The following CNGB3 variants were observed in gnomAD, a reference collection of about 807,000 sequenced individuals.
The protein encoded by CNGB3 is cyclic nucleotide-gated channel beta-3.
In CNGB3, 86 loss-of-function variants were observed where a neutral mutation model predicts 92.8. The observed-to-expected ratio is 0.93, with a 90% CI of 0.78 to 1.11. The LOEUF (loss-of-function observed/expected upper bound fraction) is 1.11, where lower values mean the gene tolerates loss of function less well. Among genes scored for constraint, CNGB3 ranks in the 50% least tolerant of loss-of-function variants. CNGB3 has a pLI of 0.00. For missense variants in CNGB3, 1,026 were observed against 956.8 expected (o/e 1.07, Z -0.95); for synonymous variants, 333 against 332.7 (o/e 1.00, Z -0.01).
At chr8:86,732,965 T>A (rs1320549050) in intron 2 of CNGB3, among the ~76,000 whole-genome samples, 2 of 152,218 alleles carry the variant, frequency 1.3e-5, no homozygotes, top group Non-Finnish European at 2.9e-5. Context: ...TGCTGAGGTT[T>A]GGGATGTGAA....
intron 17 of CNGB3, among the ~76,000 whole-genome samples, chr8:86,578,102 G>C (rs963684894): frequency 1.1e-4 from 16 of 152,076 alleles, no homozygotes; most frequent in East Asian, 1.9e-4. Context: ...GTAGAGACAG[G>C]GTTTCACCGT....
chr8:86,673,193 G>T (rs1586008111), intron 3 of CNGB3, among the ~76,000 whole-genome samples: 1 of 152,138 alleles, frequency 6.6e-6, no homozygotes, highest in Non-Finnish European at 1.5e-5. Context: ...CATAGCTAAT[G>T]GTAAATAATA....
intron 6 of CNGB3, among the ~76,000 whole-genome samples, chr8:86,655,225 G>A (rs943975303): frequency 3.9e-5 from 6 of 152,204 alleles, no homozygotes; most frequent in Non-Finnish European, 7.4e-5. Flanking sequence ...TCTGCCTTTA[G>A]TCTTGTTCCC....
intron 3 of CNGB3, among the ~76,000 whole-genome samples, chr8:86,725,674 A>G (rs1405688098): frequency 6.6e-6 from 1 of 152,164 alleles, no homozygotes; most frequent in East Asian, 1.9e-4. Flanking sequence ...GGTCCTAGAT[A>G]ATCACGATGA....
Position 86,599,639 on chromosome 8 carries a change from C to T in CNGB3, c.1781+4454G>A, listed in dbSNP as rs565905448. ...CCACCTTGGGGGCGGCTGTCTTTTA[C>T]GGTCGCAGCTGTAGGGTTGAAATAA... On this transcript the variant is annotated intron_variant, in intron 15 of 17. Coordinates refer to ENST00000320005, the MANE Select transcript of CNGB3 (RefSeq NM_019098.5). Among the ~76,000 whole-genome samples the T allele has an allele frequency of 4.6e-5, 7 of 152,212 alleles. No homozygotes were observed. In the South Asian group the frequency reaches 8.3e-4, roughly 18 times the overall value.
chr8:86,694,477 G>T (rs1337759910), intron 3 of CNGB3, among the ~76,000 whole-genome samples: 5 of 151,766 alleles, frequency 3.3e-5, no homozygotes, highest in African/African-American at 7.3e-5. Flanking sequence ...GTGGCTGCCG[G>T]ACGGAGGGTC....
At chr8:86,660,856 C>T in intron 6 of CNGB3, 1 of 413,186 alleles carries the variant, frequency 2.4e-6, no homozygotes, top group Non-Finnish European at 5.0e-6. Flanking sequence ...TTAAGGTCCT[C>T]TTCATAAGGC....
At chr8:86,596,292 T>C (rs1482072083) in intron 15 of CNGB3, among the ~76,000 whole-genome samples, 3 of 152,218 alleles carry the variant, frequency 2.0e-5, no homozygotes, top group Non-Finnish European at 4.4e-5. Context: ...GTAATGCAAA[T>C]TGGTTCAATT....
At position 86,575,918 on chromosome 8, in the gene CNGB3, C is replaced by A. The variant is rs762547089; in HGVS notation, c.2316G>T (p.Arg772Ser). The A allele has an allele frequency of 6.2e-7, 1 of 1,613,774 alleles. No homozygotes were observed. The highest frequency in any genetic ancestry group is 1.3e-5 in the African/African-American group (1 of 74,906). ...GAGAAGTCCCTCTGGGTAAAACTGTCCTTCTAACTGAGTGGGGTTCTTCCT... is the reference window on the plus strand; with the variant it reads ...GAGAAGTCCCTCTGGGTAAAACTGTACTTCTAACTGAGTGGGGTTCTTCCT... ...AVEEEPHSVR[R>S]TVLPRGTSRQ... The change falls in exon 18 of 18, where the codon AGG (arginine) becomes AGT (serine). Residue 772 changes from arginine (R) to serine (S), a missense_variant. Physicochemically the swap from Arg to Ser is moderately radical, Grantham distance 110. Coordinates refer to ENST00000320005, the MANE Select transcript of CNGB3 (RefSeq NM_019098.5).
Position 86,578,828 on chromosome 8 carries a change from G to A in CNGB3, c.1964C>T (p.Ala655Val), listed in dbSNP as rs774779115. The A allele has an allele frequency of 4.3e-6, 7 of 1,614,186 alleles. No homozygotes were observed. In the Admixed American group the frequency reaches 6.7e-5, roughly 15 times the overall value. ...GGCAAGATCTTTTCTTGGAGGGGTT[G>A]CTTCTGCGGTCTTAGCCTTCTGCTT... ...LLKQKAKTAE[A>V]TPPRKDLALL... Residue 655 changes from alanine to valine, a missense_variant, in exon 17 of 18, where the codon GCA becomes GTA. By Grantham distance (64) the Ala-to-Val change is moderately conservative. Transcript: ENST00000320005.
At chr8:86,703,713 G>C (rs959285943) in intron 3 of CNGB3, among the ~76,000 whole-genome samples, 5 of 152,140 alleles carry the variant, frequency 3.3e-5, no homozygotes, top group African/African-American at 1.2e-4. Context: ...GGAGACTATT[G>C]CATGTTGCCA....
intron 6 of CNGB3, among the ~76,000 whole-genome samples, chr8:86,655,281 C>T (rs766691392): frequency 2.0e-5 from 3 of 152,180 alleles, no homozygotes; most frequent in Non-Finnish European, 4.4e-5. Context: ...TAAATCAGAT[C>T]ACTTAAAATC....
intron 8 of CNGB3, among the ~76,000 whole-genome samples, chr8:86,645,503 G>C (rs1231005986): frequency 6.6e-6 from 1 of 151,148 alleles, no homozygotes; most frequent in Non-Finnish European, 1.5e-5. Context: ...CCCCCCAAAA[G>C]GGTTGTGTGC....
At chr8:86,679,624 C>T (rs1017861259) in intron 3 of CNGB3, among the ~76,000 whole-genome samples, 2 of 152,050 alleles carry the variant, frequency 1.3e-5, no homozygotes, top group Non-Finnish European at 2.9e-5. Flanking sequence ...CTCCTGGATT[C>T]GAGCAATTCT....
At chr8:86,691,991 C>T (rs1824328422) in intron 3 of CNGB3, among the ~76,000 whole-genome samples, 1 of 152,140 alleles carries the variant, frequency 6.6e-6, no homozygotes, top group Admixed American at 6.5e-5. Context: ...ACCAAATGAT[C>T]ATTCAGGAAC....
At chr8:86,599,151 C>A (rs1822237378) in intron 15 of CNGB3, among the ~76,000 whole-genome samples, 1 of 152,268 alleles carries the variant, frequency 6.6e-6, no homozygotes, top group Middle Eastern at 3.4e-3. Context: ...ATTAGTTCCC[C>A]AAATTAATAC....
rs1316084093 is a variant in CNGB3 at position 86,643,738 on chromosome 8, A to C, written c.1178+13T>G. On this transcript the variant is annotated intron_variant, in intron 10 of 17. Coordinates refer to ENST00000320005, the MANE Select transcript of CNGB3 (RefSeq NM_019098.5). The stretch of plus-strand genomic sequence containing the variant: ...AATAATCAATAAAGGTTTCTTTCAA[A>C]ATCAGAACTTACTCGTTTCCTTCCC... The C allele has an allele frequency of 1.9e-6, 3 of 1,604,202 alleles. No homozygotes were observed. Among genetic ancestry groups the C allele is most frequent in the Non-Finnish European group, 2.6e-6 (3 of 1,173,716 alleles).
chr8:86,660,251 G>T, intron 6 of CNGB3: 1 of 301,314 alleles, frequency 3.3e-6, no homozygotes, highest in Non-Finnish European at 6.7e-6. Flanking sequence ...ATGTTTTCTT[G>T]GCCACAGCCA....
At chr8:86,586,403 G>A (rs1006995406) in intron 15 of CNGB3, among the ~76,000 whole-genome samples, 2 of 151,334 alleles carry the variant, frequency 1.3e-5, no homozygotes, top group South Asian at 4.2e-4. Flanking sequence ...AGTTACATAT[G>A]TATACATGTG....
Sources: gnomAD v4.1 joint callset for allele counts (sites outside exome capture counted in the v4.1 genomes callset) on GRCh38, gnomAD v4.1.1 for gene constraint, MANE v1.5 for transcripts, NCBI Gene and HGNC (gene_info 2026-07-23, HGNC 2026-07-21) for gene names.